Variants in KCNK3 observed in about 807,000 individuals in gnomAD.
The protein encoded by KCNK3 is potassium two pore domain channel subfamily K member 3, also known as potassium channel subfamily K member 3.
A neutral mutation model predicts 27.3 loss-of-function variants in KCNK3; 9 were observed. The ratio of observed to expected loss-of-function variants is 0.33; its 90% CI spans 0.20 to 0.57. The LOEUF is 0.57. Ranked by LOEUF, KCNK3 falls within the 20% of genes least tolerant of loss-of-function variation. KCNK3 has a pLI of 0.87. For missense variants in KCNK3, 391 were observed against 577.7 expected, an observed-to-expected ratio of 0.68 and a Z score of 3.31; for synonymous variants, 278 against 273.8, an observed-to-expected ratio of 1.02 and a Z score of -0.15.
intron 1 of KCNK3, among the ~76,000 whole-genome samples, chr2:26,694,912 A>G (rs1256203491): frequency 6.6e-6 from 1 of 151,774 alleles, no homozygotes; most frequent in Non-Finnish European, 1.5e-5. Context: ...TAACCTCCCA[A>G]CTGACCTCCC....
At chr2:26,710,891 C>T (rs920378754) in intron 1 of KCNK3, among the ~76,000 whole-genome samples, 1 of 152,226 alleles carries the variant, frequency 6.6e-6, no homozygotes, top group Non-Finnish European at 1.5e-5. Flanking sequence ...CACATATCCC[C>T]GGGGTTATTT....
chr2:26,730,122 T>C lies in KCNK3; in HGVS notation c.*1554T>C, dbSNP rs892780553. The C allele has an allele frequency of 2.6e-5, 4 of 152,194 alleles. No homozygotes were observed. The highest frequency in any genetic ancestry group is 4.4e-5 in the Non-Finnish European group (3 of 68,098). The allele number at this position is 152,194 out of a possible 1,614,324, so 9.4% of individuals were successfully genotyped here. A position where few individuals can be genotyped will look rare whatever the true frequency, so the allele number is the denominator to read the frequency against. ...CACTGGGGCGCATGCTTACAAACAGTGCAGTTCTTGGGACCGAGGTAAGCA... is the reference window on the plus strand; with the variant it reads ...CACTGGGGCGCATGCTTACAAACAGCGCAGTTCTTGGGACCGAGGTAAGCA... On this transcript the variant is annotated 3_prime_UTR_variant, in exon 2 of 2. Transcript: ENST00000302909.
At chr2:26,694,017 G>A (rs1670204624) in intron 1 of KCNK3, among the ~76,000 whole-genome samples, 1 of 152,068 alleles carries the variant, frequency 6.6e-6, no homozygotes, top group African/African-American at 2.4e-5. Flanking sequence ...AACAAACGTT[G>A]CCCAGGAAAG....
intron 1 of KCNK3, among the ~76,000 whole-genome samples, chr2:26,719,782 G>A (rs1663294434): frequency 6.6e-6 from 1 of 152,188 alleles, no homozygotes; most frequent in Non-Finnish European, 1.5e-5. Context: ...TTGTGTAACA[G>A]AAGTGTTTCA....
intron 1 of KCNK3, among the ~76,000 whole-genome samples, chr2:26,696,069 C>T (rs1018128731): frequency 6.6e-6 from 1 of 152,212 alleles, no homozygotes; most frequent in Non-Finnish European, 1.5e-5. Context: ...AGGGCAGCAG[C>T]CTGTGTTCAC....
At chr2:26,705,420 A>G (rs1670360462) in intron 1 of KCNK3, among the ~76,000 whole-genome samples, 1 of 152,122 alleles carries the variant, frequency 6.6e-6, no homozygotes, top group African/African-American at 2.4e-5. Context: ...CCCAAGGTGT[A>G]GGCATCATTA....
At chr2:26,699,574 T>C (rs1670282188) in intron 1 of KCNK3, among the ~76,000 whole-genome samples, 1 of 152,102 alleles carries the variant, frequency 6.6e-6, no homozygotes, top group South Asian at 2.1e-4. Context: ...ATTTTGTAAT[T>C]AAAAAAATGT....
rs114302313 is a variant in KCNK3, at chr2:26,711,714, G to A, written c.284-15953G>A. On this transcript the variant is annotated intron_variant, in intron 1 of 1. Coordinates refer to ENST00000302909, the MANE Select transcript of KCNK3 (RefSeq NM_002246.3). Reference sequence around the variant, plus strand: ...TTACACAACGTACATATATTAGCTCGCTTAGAGCAGTGCCTGGCACGTAGT... The same window carrying A: ...TTACACAACGTACATATATTAGCTCACTTAGAGCAGTGCCTGGCACGTAGT... 7.3e-3 allele frequency among the ~76,000 whole-genome samples: 1,115 copies of A among 152,346 alleles called. 12 individuals are homozygous for A. Among genetic ancestry groups the A allele is most frequent in the African/African-American group, 0.025 (1,039 of 41,572 alleles).
intron 1 of KCNK3, among the ~76,000 whole-genome samples, chr2:26,703,552 G>A (rs1188768517): frequency 6.6e-6 from 1 of 152,236 alleles, no homozygotes; most frequent in African/African-American, 2.4e-5. Flanking sequence ...GGGCCCTGAG[G>A]CCCTCTGGGT....
intron 1 of KCNK3, among the ~76,000 whole-genome samples, chr2:26,696,285 C>G (rs766574397): frequency 1.1e-4 from 16 of 152,224 alleles, no homozygotes; most frequent in Non-Finnish European, 1.6e-4. Context: ...GGCGTGAAGG[C>G]TCAGGGAAGG....
Position 26,733,405 on chromosome 2 carries a change from A to G in KCNK3, c.*4837A>G, listed in dbSNP as rs1663575238. On this transcript the variant is annotated 3_prime_UTR_variant, in exon 2 of 2. Transcript: ENST00000302909. ...CATCTTAGCTTAATAAAGGTTATGA[A>G]AAGTCTTGCAGCAAAGATGCTGTTT... 6.6e-6 allele frequency: 1 copy of G among 152,206 alleles called. No individual in the cohort carries two copies. The highest frequency in any genetic ancestry group is 2.1e-4 in the South Asian group (1 of 4,830). 9.4% of individuals were successfully genotyped at this position (152,206 alleles called of 1,614,324 possible). A position where few individuals can be genotyped will look rare whatever the true frequency, so the allele number is the denominator to read the frequency against.
rs552180472 is a variant in KCNK3, at chr2:26,710,377, C to T, written c.283+17219C>T. On this transcript the variant is annotated intron_variant, in intron 1 of 1. Coordinates refer to ENST00000302909, the MANE Select transcript of KCNK3 (RefSeq NM_002246.3). Reference sequence around the variant, plus strand: ...TATCCTGATGGGTCAAGAAGGGCCTCGGTGCTTCTCGAGAAGGGTGCAGAT... The same window carrying T: ...TATCCTGATGGGTCAAGAAGGGCCTTGGTGCTTCTCGAGAAGGGTGCAGAT... Among the ~76,000 whole-genome samples the T allele has an allele frequency of 6.6e-5, 10 of 152,236 alleles. No individual in the cohort carries two copies. In the South Asian group the frequency reaches 8.3e-4, roughly 13 times the overall value.
chr2:26,732,229 A>G lies in KCNK3; in HGVS notation c.*3661A>G, dbSNP rs1322370585. 1 of 152,192 alleles carries G rather than the reference A, an allele frequency of 6.6e-6. No individual in the cohort carries two copies. The highest frequency in any genetic ancestry group is 1.5e-5 in the Non-Finnish European group (1 of 68,060). The allele number at this position is 152,192 out of a possible 1,614,324, so 9.4% of individuals were successfully genotyped here. A position where few individuals can be genotyped will look rare whatever the true frequency, so the allele number is the denominator to read the frequency against. ...AGTAATAGCACACAGCTCTGTACCT[A>G]TCTAGCTCCATGCCTATCTATCTGC... is the stretch of plus-strand genomic sequence containing the variant. On this transcript the variant is annotated 3_prime_UTR_variant, in exon 2 of 2. Coordinates refer to ENST00000302909, the MANE Select transcript of KCNK3 (RefSeq NM_002246.3).
At chr2:26,713,018 T>G (rs1483485261) in intron 1 of KCNK3, among the ~76,000 whole-genome samples, 2 of 151,766 alleles carry the variant, frequency 1.3e-5, no homozygotes, top group Non-Finnish European at 2.9e-5. Context: ...TGCCCCAAGC[T>G]CCCCCCACCA....
chr2:26,718,384 A>C (rs1384571025), intron 1 of KCNK3, among the ~76,000 whole-genome samples: 1 of 152,200 alleles, frequency 6.6e-6, no homozygotes, highest in Non-Finnish European at 1.5e-5. Context: ...TTCACTTTTC[A>C]ACTGTACTTC....
At chr2:26,714,706 C>T (rs1221217784) in intron 1 of KCNK3, among the ~76,000 whole-genome samples, 4 of 151,416 alleles carry the variant, frequency 2.6e-5, no homozygotes, top group Admixed American at 6.6e-5. Flanking sequence ...GCCAACATGG[C>T]GAAACCCTGT....
rs1479430760 is a variant in KCNK3, at chr2:26,728,284, G to A, written c.901G>A (p.Ala301Thr). Reference protein sequence around the residue: ...AGGGGFRNVYAEVLHFQSMCS... With the variant: ...AGGGGFRNVYTEVLHFQSMCS... ...CGGCGGCGGCTTCCGCAACGTCTAC[G>A]CGGAGGTGCTGCACTTCCAGTCCAT... Residue 301 changes from alanine (A) to threonine (T), a missense_variant, in exon 2 of 2, where the codon GCG becomes ACG. Around this residue, in one of 4 missense-constraint regions of KCNK3, gnomAD observed 192 missense variants for 196.0 expected, o/e 0.98. Coordinates refer to ENST00000302909, the MANE Select transcript of KCNK3 (RefSeq NM_002246.3). 1 of 1,596,038 alleles carries A rather than the reference G, an allele frequency of 6.3e-7. No individual in the cohort carries two copies. The highest frequency in any genetic ancestry group is 2.3e-5 in the East Asian group (1 of 43,812).
intron 1 of KCNK3, chr2:26,724,709 T>C: frequency 1.5e-6 from 1 of 689,596 alleles, no homozygotes; most frequent in Non-Finnish European, 1.8e-6. Flanking sequence ...CTGCCTGGGA[T>C]AAGAGCCTCT....
At chr2:26,709,587 C>T (rs1000073882) in intron 1 of KCNK3, among the ~76,000 whole-genome samples, 2 of 152,156 alleles carry the variant, frequency 1.3e-5, no homozygotes, top group African/African-American at 4.8e-5. Context: ...CAACATTCAA[C>T]AGCTTGCTCC....
Sources: gnomAD v4.1 joint callset for allele counts (sites outside exome capture counted in the v4.1 genomes callset) on GRCh38, gnomAD v4.1.1 for gene constraint, gnomAD v4.1.1 regional missense constraint, MANE v1.5 for transcripts, NCBI Gene and HGNC (gene_info 2026-07-23, HGNC 2026-07-21) for gene names.